The following PEX5L variants were observed in gnomAD, a reference collection of about 807,000 sequenced individuals.
PEX5L encodes the protein PEX5-related protein.
PEX5L carries 30 observed loss-of-function variants against 84.0 expected under a neutral mutation model. That is an observed-to-expected ratio of 0.36 (90% CI 0.27 to 0.48). The LOEUF is 0.48. Ranked by LOEUF, PEX5L falls within the 20% of genes least tolerant of loss-of-function variation. The pLI is 0.99. For synonymous variants in PEX5L, 270 were observed against 283.1 expected, an observed-to-expected ratio of 0.95 and a Z score of 0.46; for missense variants, 533 against 754.6, an observed-to-expected ratio of 0.71 and a Z score of 3.44.
chr3:179,996,661 A>G (rs1458836095), intron 1 of PEX5L, among the ~76,000 whole-genome samples: 3 of 152,190 alleles, frequency 2.0e-5, no homozygotes, highest in Non-Finnish European at 4.4e-5. Flanking sequence ...ATCTTTGAAG[A>G]GCCCTGTAAT....
At chr3:179,934,637 T>A (rs1459055476) in intron 2 of PEX5L, among the ~76,000 whole-genome samples, 1 of 152,292 alleles carries the variant, frequency 6.6e-6, no homozygotes, top group East Asian at 1.9e-4. Context: ...TCCATTGACA[T>A]AACATCAAGC....
intron 2 of PEX5L, among the ~76,000 whole-genome samples, chr3:179,968,729 G>C (rs1560974581): frequency 2.2e-4 from 33 of 146,754 alleles, no homozygotes; most frequent in East Asian, 7.9e-4. Flanking sequence ...GTGTCTGTGT[G>C]TGTCTGTGTG....
At chr3:179,912,257 C>G (rs1765436055) in intron 2 of PEX5L, among the ~76,000 whole-genome samples, 1 of 152,090 alleles carries the variant, frequency 6.6e-6, no homozygotes, top group Admixed American at 6.6e-5. Context: ...GGACTCCCCA[C>G]TAACCCCTAC....
At chr3:180,007,917 T>A (rs1471098636) in intron 1 of PEX5L, among the ~76,000 whole-genome samples, 1 of 152,256 alleles carries the variant, frequency 6.6e-6, no homozygotes. Context: ...TGGGAGGGAC[T>A]GCCATGAAGG....
intron 2 of PEX5L, among the ~76,000 whole-genome samples, chr3:179,953,122 AACAT>A (rs10599703): frequency 0.72 from 108,460 of 151,610 alleles, 39,379 homozygotes; most frequent in East Asian, 0.89. Context: ...TAAAGACTTA[AACAT>A]AAGACTGAAA....
chr3:179,819,035 CTT>C (rs201033285), intron 9 of PEX5L, among the ~76,000 whole-genome samples: 1 of 138,126 alleles, frequency 7.2e-6, no homozygotes. Context: ...ACAGTTCTTT[CTT>C]TTTTTTTTTT....
chr3:179,864,831 T>C (rs1747547105), intron 7 of PEX5L, among the ~76,000 whole-genome samples: 1 of 152,054 alleles, frequency 6.6e-6, no homozygotes, highest in Non-Finnish European at 1.5e-5. Flanking sequence ...AACGAATTAA[T>C]AAAAAAGGAA....
chr3:179,863,726 G>A (rs1325721418), intron 7 of PEX5L, among the ~76,000 whole-genome samples: 1 of 152,090 alleles, frequency 6.6e-6, no homozygotes, highest in Non-Finnish European at 1.5e-5. Flanking sequence ...GTAAACTGTT[G>A]GTGGAAATAC....
chr3:180,005,327 C>A (rs1788783934), intron 1 of PEX5L, among the ~76,000 whole-genome samples: 1 of 152,044 alleles, frequency 6.6e-6, no homozygotes, highest in Non-Finnish European at 1.5e-5. Context: ...GTGGTACAAT[C>A]ATATCTTACT....
chr3:179,924,510 C>T (rs1271434652), intron 2 of PEX5L, among the ~76,000 whole-genome samples: 1 of 152,142 alleles, frequency 6.6e-6, no homozygotes, highest in Non-Finnish European at 1.5e-5. Flanking sequence ...CAAACACTCA[C>T]GGTAAGAAGA....
chr3:179,947,258 A>G (rs2109897376), intron 2 of PEX5L, among the ~76,000 whole-genome samples: 1 of 152,288 alleles, frequency 6.6e-6, no homozygotes, highest in African/African-American at 2.4e-5. Flanking sequence ...TGAAACTTAA[A>G]AGATAGAAAG....
intron 1 of PEX5L, 123 bp downstream of exon 1, chr3:180,036,456 A>G: frequency 1.1e-6 from 1 of 928,994 alleles, no homozygotes; most frequent in East Asian, 2.4e-5. Flanking sequence ...TGTCACGGTC[A>G]TGTTGCATCA....
chr3:179,976,485 T>G (rs1785805155), intron 1 of PEX5L, among the ~76,000 whole-genome samples: 1 of 152,178 alleles, frequency 6.6e-6, no homozygotes, highest in Non-Finnish European at 1.5e-5. Context: ...TCGCCCAGGC[T>G]GGAGTTCCGT....
intron 2 of PEX5L, among the ~76,000 whole-genome samples, chr3:179,910,120 G>A (rs1392802979): frequency 6.6e-6 from 1 of 152,184 alleles, no homozygotes; most frequent in African/African-American, 2.4e-5. Context: ...AATTCCTTTT[G>A]TGGTTTCTAG....
At chr3:179,852,502 A>C (rs1285122445) in intron 8 of PEX5L, among the ~76,000 whole-genome samples, 1 of 152,212 alleles carries the variant, frequency 6.6e-6, no homozygotes, top group Non-Finnish European at 1.5e-5. Context: ...AGTATCAAAT[A>C]ATTTGTGGAC....
intron 6 of PEX5L, 63 bp from the exon 7 acceptor site, chr3:179,874,486 C>A (rs754241268): frequency 2.4e-6 from 2 of 839,652 alleles, no homozygotes; most frequent in Non-Finnish European, 3.9e-6. Context: ...ATAAATCCAG[C>A]CAAGAAACTA....
At chr3:179,958,029 C>T (rs575999304) in intron 2 of PEX5L, among the ~76,000 whole-genome samples, 1 of 152,300 alleles carries the variant, frequency 6.6e-6, no homozygotes, top group Admixed American at 6.5e-5. Context: ...CTCCCTCTCA[C>T]ACACATACAC....
chr3:179,958,731 G>A (rs1781246175), intron 2 of PEX5L, among the ~76,000 whole-genome samples: 1 of 152,160 alleles, frequency 6.6e-6, no homozygotes, highest in Non-Finnish European at 1.5e-5. Flanking sequence ...TTCAGATAAA[G>A]GATTTAAGAT....
chr3:180,022,917 G>T (rs1790544602), intron 1 of PEX5L, among the ~76,000 whole-genome samples: 1 of 152,208 alleles, frequency 6.6e-6, no homozygotes, highest in Admixed American at 6.5e-5. Context: ...TATCGGTAAA[G>T]CTATTTGGAT....
Sources: allele counts gnomAD v4.1 joint callset (sites outside exome capture counted in the v4.1 genomes callset), GRCh38; gene constraint gnomAD v4.1.1; transcripts MANE v1.5; gene names NCBI Gene and HGNC (gene_info 2026-07-23, HGNC 2026-07-21).